GABRB1: variants seen among roughly 807,000 people sequenced by gnomAD.
The protein encoded by GABRB1 is gamma-aminobutyric acid type A receptor subunit beta1.
Under a neutral mutation model 51.6 loss-of-function variants are expected in GABRB1, and 17 were observed. The ratio of observed to expected loss-of-function variants is 0.33; its 90% confidence interval spans 0.23 to 0.49. The LOEUF (loss-of-function observed/expected upper bound fraction) is 0.49. Among genes scored for constraint, GABRB1 ranks in the 20% least tolerant of loss-of-function variants. The pLI is 0.99. For missense variants in GABRB1, 410 were observed against 600.6 expected, an observed-to-expected ratio of 0.68 and a Z score of 3.32; for synonymous variants, 247 against 218.9, an observed-to-expected ratio of 1.13 and a Z score of -1.14.
intron 3 of GABRB1, among the ~76,000 whole-genome samples, chr4:47,077,613 A>G (rs1009734455): frequency 6.6e-6 from 1 of 151,760 alleles, no homozygotes; most frequent in African/African-American, 2.4e-5. Flanking sequence ...CATTCTCTCA[A>G]TCATGCTAAG....
At chr4:47,332,298 C>G (rs879633894) in intron 5 of GABRB1, among the ~76,000 whole-genome samples, 7 of 152,184 alleles carry the variant, frequency 4.6e-5, no homozygotes, top group Admixed American at 1.3e-4. Flanking sequence ...CTGGGCCTGA[C>G]AACAATGGTG....
chr4:47,074,249 TAAAG>T (rs1435882515), intron 3 of GABRB1, among the ~76,000 whole-genome samples: 1 of 152,126 alleles, frequency 6.6e-6, no homozygotes, highest in Non-Finnish European at 1.5e-5. Context: ...GGAACCAAAT[TAAAG>T]AACATATGTA....
chr4:47,236,281 A>G (rs1021993734), intron 4 of GABRB1, among the ~76,000 whole-genome samples: 3 of 152,168 alleles, frequency 2.0e-5, no homozygotes, highest in Admixed American at 2.0e-4. Flanking sequence ...ACACAGCAGT[A>G]AACAGAGTGG....
chr4:47,008,736 C>T (rs1217537374), intron 1 of GABRB1, among the ~76,000 whole-genome samples: 3 of 149,354 alleles, frequency 2.0e-5, no homozygotes, highest in African/African-American at 4.9e-5. Flanking sequence ...GCCTTGGCCT[C>T]TGAAAGTGCT....
intron 4 of GABRB1, among the ~76,000 whole-genome samples, chr4:47,219,232 A>T (rs2090059834): frequency 6.6e-6 from 1 of 151,872 alleles, no homozygotes; most frequent in Non-Finnish European, 1.5e-5. Context: ...AAATCTGATG[A>T]TATATTAAAG....
At chr4:47,059,098 T>C (rs1726740677) in intron 3 of GABRB1, among the ~76,000 whole-genome samples, 1 of 152,188 alleles carries the variant, frequency 6.6e-6, no homozygotes, top group African/African-American at 2.4e-5. Flanking sequence ...ACTTTAATCT[T>C]CATGTGAGGC....
chr4:47,196,626 G>A lies in GABRB1; in HGVS notation c.461+35157G>A, dbSNP rs575874125. On this transcript the variant is annotated intron_variant, in intron 4 of 8. Coordinates refer to ENST00000295454, the MANE Select transcript of GABRB1 (RefSeq NM_000812.4). ...CCAAAGGACAGAAGTGCCCTGGGAA[G>A]AAAAGGTGTGATGGTGTATAAGGAC... 5.9e-5 allele frequency among the ~76,000 whole-genome samples: 9 copies of A among 152,334 alleles called. No homozygotes were observed. In the East Asian group the frequency reaches 1.2e-3, roughly 20 times the overall value.
chr4:47,052,021 C>A (rs749116614), intron 3 of GABRB1, among the ~76,000 whole-genome samples: 2 of 151,964 alleles, frequency 1.3e-5, no homozygotes, highest in African/African-American at 2.4e-5. Context: ...TTCAGCTACA[C>A]GGGAGGCTGA....
At chr4:47,186,501 G>A (rs997191307) in intron 4 of GABRB1, among the ~76,000 whole-genome samples, 12 of 151,592 alleles carry the variant, frequency 7.9e-5, no homozygotes, top group Non-Finnish European at 1.8e-4. Context: ...AGTAATTCAG[G>A]GTATCTAATG....
chr4:47,415,153 C>T (rs1351132088), intron 8 of GABRB1, among the ~76,000 whole-genome samples: 1 of 152,050 alleles, frequency 6.6e-6, no homozygotes, highest in African/African-American at 2.4e-5. Context: ...TTTTCACTAC[C>T]CAGATATCTA....
chr4:47,057,616 T>C lies in GABRB1; in HGVS notation c.240+25132T>C, dbSNP rs141847941. Among the ~76,000 whole-genome samples the C allele has an allele frequency of 1.5e-3, 228 of 152,322 alleles. 2 individuals are homozygous for C. Among genetic ancestry groups the C allele is most frequent in the African/African-American group, 5.2e-3 (215 of 41,578 alleles). ...TGAACAGTAAGCTTAGTTATTGAGATCTGTCAGTATCTCCTACTCCCACCC... is the reference window on the plus strand; with the variant it reads ...TGAACAGTAAGCTTAGTTATTGAGACCTGTCAGTATCTCCTACTCCCACCC... On this transcript the variant is annotated intron_variant, in intron 3 of 8. Transcript: ENST00000295454.
chr4:47,092,286 T>A (rs1428838632), intron 3 of GABRB1, among the ~76,000 whole-genome samples: 2 of 149,972 alleles, frequency 1.3e-5, no homozygotes, highest in Non-Finnish European at 3.0e-5. Context: ...GATTCTCCTG[T>A]CTCAGCCTCC....
intron 4 of GABRB1, among the ~76,000 whole-genome samples, chr4:47,310,388 T>C (rs1348244701): frequency 6.6e-6 from 1 of 152,202 alleles, no homozygotes; most frequent in Non-Finnish European, 1.5e-5. Flanking sequence ...AATTGCCTGA[T>C]TCCTGGTTAG....
chr4:47,328,601 G>A (rs1725342287), intron 5 of GABRB1, among the ~76,000 whole-genome samples: 1 of 152,116 alleles, frequency 6.6e-6, no homozygotes, highest in South Asian at 2.1e-4. Context: ...AAAATGATGA[G>A]TTCATATCCT....
intron 3 of GABRB1, among the ~76,000 whole-genome samples, chr4:47,047,482 T>A (rs1246481101): frequency 2.0e-5 from 3 of 152,124 alleles, no homozygotes; most frequent in African/African-American, 7.2e-5. Context: ...AAGTAAGTGA[T>A]AGAGCTGTGA....
At chr4:47,057,737 G>A (rs528740496) in intron 3 of GABRB1, among the ~76,000 whole-genome samples, 9 of 152,338 alleles carry the variant, frequency 5.9e-5, no homozygotes, top group Admixed American at 4.6e-4. Context: ...CTGGATGTAA[G>A]AGGAGAGTGT....
At chr4:47,201,417 C>A (rs1719892604) in intron 4 of GABRB1, among the ~76,000 whole-genome samples, 1 of 152,182 alleles carries the variant, frequency 6.6e-6, no homozygotes, top group Non-Finnish European at 1.5e-5. Flanking sequence ...CCTTGACCAA[C>A]TGTCTTTCCA....
chr4:47,381,395 G>A (rs540337925), intron 5 of GABRB1, among the ~76,000 whole-genome samples: 1 of 152,232 alleles, frequency 6.6e-6, no homozygotes, highest in Non-Finnish European at 1.5e-5. Flanking sequence ...TCTGATCCCT[G>A]GCAGGAACCA....
chr4:47,335,560 T>G (rs1379214371), intron 5 of GABRB1, among the ~76,000 whole-genome samples: 1 of 152,142 alleles, frequency 6.6e-6, no homozygotes. Context: ...TTGACCAGTA[T>G]GTACAGTTAC....
Sources: gnomAD v4.1 joint callset for allele counts (sites outside exome capture counted in the v4.1 genomes callset) on GRCh38, gnomAD v4.1.1 for gene constraint, MANE v1.5 for transcripts, NCBI Gene and HGNC (gene_info 2026-07-23, HGNC 2026-07-21) for gene names.